GREB1L: variants seen among roughly 807,000 people sequenced by gnomAD.
GREB1L encodes GREB1-like protein.
In GREB1L, 17 loss-of-function variants were observed where a neutral mutation model predicts 200.8. The ratio of observed to expected loss-of-function variants is 0.08; its 90% CI spans 0.06 to 0.13. The LOEUF is 0.13. Among genes scored for constraint, GREB1L ranks in the 10% least tolerant of loss-of-function variants. The pLI is 1.00. For synonymous variants in GREB1L, 789 were observed against 893.0 expected (o/e 0.88, Z 2.08); for missense variants, 1,657 against 2,367.7 (o/e 0.70, Z 6.23).
chr18:21,246,000 G>A (rs996556672), intron 1 of GREB1L, among the ~76,000 whole-genome samples: 7 of 152,178 alleles, frequency 4.6e-5, no homozygotes, highest in African/African-American at 1.7e-4. Flanking sequence ...GGGATTACAG[G>A]CGTGAGCCAC....
intron 4 of GREB1L, among the ~76,000 whole-genome samples, chr18:21,386,584 G>A (rs796607813): frequency 1.5e-3 from 225 of 146,194 alleles, no homozygotes; most frequent in African/African-American, 5.7e-3. Context: ...CACTGTGCCT[G>A]GCCAGTAGCT....
chr18:21,335,447 G>A (rs1284215764), intron 1 of GREB1L, among the ~76,000 whole-genome samples: 1 of 152,116 alleles, frequency 6.6e-6, no homozygotes, highest in Non-Finnish European at 1.5e-5. Flanking sequence ...TGGTTTGTAA[G>A]ACAAAATTAA....
At chr18:21,369,709 A>G (rs950364627) in intron 2 of GREB1L, among the ~76,000 whole-genome samples, 1 of 152,108 alleles carries the variant, frequency 6.6e-6, no homozygotes, top group African/African-American at 2.4e-5. Context: ...TTGAATACCT[A>G]AAATACTTTT....
intron 1 of GREB1L, among the ~76,000 whole-genome samples, chr18:21,355,126 C>G (rs1167672949): frequency 6.6e-6 from 1 of 151,934 alleles, no homozygotes; most frequent in Non-Finnish European, 1.5e-5. Flanking sequence ...GAAAGTGATC[C>G]AAGAGATCAA....
At chr18:21,272,110 GC>G (rs2038088595) in intron 1 of GREB1L, among the ~76,000 whole-genome samples, 2 of 152,304 alleles carry the variant, frequency 1.3e-5, no homozygotes, top group African/African-American at 4.8e-5. Context: ...TAAGCTAACT[GC>G]TGTAGCACAC....
At chr18:21,430,227 G>A (rs1167317000) in intron 7 of GREB1L, among the ~76,000 whole-genome samples, 1 of 152,004 alleles carries the variant, frequency 6.6e-6, no homozygotes, top group African/African-American at 2.4e-5. Context: ...AGACAATTCA[G>A]TCTATAACAA....
intron 4 of GREB1L, among the ~76,000 whole-genome samples, chr18:21,392,892 CT>C (rs2040883429): frequency 6.6e-6 from 1 of 151,986 alleles, no homozygotes; most frequent in Non-Finnish European, 1.5e-5. Context: ...CCATCTTAAC[CT>C]CCTAGGTAGC....
At chr18:21,486,291 T>C (rs2036125564) in intron 18 of GREB1L, among the ~76,000 whole-genome samples, 1 of 151,540 alleles carries the variant, frequency 6.6e-6, no homozygotes, top group Non-Finnish European at 1.5e-5. Flanking sequence ...GAGGTGGAGC[T>C]TGCAGTGAGC....
chr18:21,297,669 C>T (rs1401592324), intron 1 of GREB1L, among the ~76,000 whole-genome samples: 2 of 152,092 alleles, frequency 1.3e-5, no homozygotes, highest in African/African-American at 2.4e-5. Context: ...GCTTAAGAAT[C>T]GGGATAGCAC....
chr18:21,302,388 A>G (rs1488896262), intron 1 of GREB1L, among the ~76,000 whole-genome samples: 2 of 152,228 alleles, frequency 1.3e-5, no homozygotes, highest in African/African-American at 2.4e-5. Context: ...TTTGCAATTC[A>G]TGAAAGAGGA....
intron 1 of GREB1L, among the ~76,000 whole-genome samples, chr18:21,306,231 T>G (rs1217914348): frequency 6.6e-6 from 1 of 152,194 alleles, no homozygotes; most frequent in Non-Finnish European, 1.5e-5. Flanking sequence ...ATGTTTATGG[T>G]TGAATTAGTG....
intron 7 of GREB1L, among the ~76,000 whole-genome samples, chr18:21,426,973 C>CAAAAAAAAAAAAAAAAAAAA (rs56776768): frequency 7.2e-5 from 6 of 83,774 alleles, no homozygotes; most frequent in Non-Finnish European, 1.4e-4. Context: ...AAAAAAAAAA[C>CAAAAAAAAAAAAAAAAAAAA]AAAAAAAAAA....
At chr18:21,438,973 A>G (rs2033727554) in intron 7 of GREB1L, among the ~76,000 whole-genome samples, 1 of 150,752 alleles carries the variant, frequency 6.6e-6, no homozygotes, top group Non-Finnish European at 1.5e-5. Flanking sequence ...AAAAAAAAAA[A>G]AAAAAAGAAA....
At chr18:21,306,115 C>T (rs2038695660) in intron 1 of GREB1L, among the ~76,000 whole-genome samples, 1 of 152,114 alleles carries the variant, frequency 6.6e-6, no homozygotes, top group Non-Finnish European at 1.5e-5. Flanking sequence ...TTCGCCATCC[C>T]CACTAGAATT....
At chr18:21,244,879 C>G (rs560561964) in intron 1 of GREB1L, among the ~76,000 whole-genome samples, 81 of 152,292 alleles carry the variant, frequency 5.3e-4, no homozygotes, top group Middle Eastern at 6.8e-3. Flanking sequence ...ATTACTCTTA[C>G]CAAACTCTTC....
chr18:21,492,362 A>G (rs1328675705), intron 19 of GREB1L, among the ~76,000 whole-genome samples: 1 of 151,818 alleles, frequency 6.6e-6, no homozygotes, highest in Admixed American at 6.6e-5. Flanking sequence ...AAAAGAAAGA[A>G]AAAGAAAAAG....
At chr18:21,430,890 C>T (rs2033097331) in intron 7 of GREB1L, among the ~76,000 whole-genome samples, 1 of 151,492 alleles carries the variant, frequency 6.6e-6, no homozygotes. Context: ...GCCACCGCAC[C>T]TGGCCTCTTT....
intron 1 of GREB1L, among the ~76,000 whole-genome samples, chr18:21,335,270 T>C (rs1345042433): frequency 4.6e-5 from 7 of 152,174 alleles, no homozygotes; most frequent in Admixed American, 3.9e-4. Context: ...CCTTTTTGAG[T>C]ATGGATACAT....
At chr18:21,516,872 A>C in intron 30 of GREB1L, 118 bp downstream of exon 30, 11 of 739,628 alleles carry the variant, frequency 1.5e-5, no homozygotes, top group Non-Finnish European at 2.3e-5. Flanking sequence ...AAATAACACA[A>C]GGGAGTTTTT....
Sources: allele counts gnomAD v4.1 joint callset (sites outside exome capture counted in the v4.1 genomes callset), GRCh38; gene constraint gnomAD v4.1.1; transcripts MANE v1.5; gene names NCBI Gene and HGNC (gene_info 2026-07-23, HGNC 2026-07-21).